Variants in RPS6KC1 observed in about 807,000 individuals in gnomAD.
The protein encoded by RPS6KC1 is inactive ribosomal protein S6 kinase delta-1.
A neutral mutation model predicts 103.8 loss-of-function variants in RPS6KC1; 54 were observed. The observed-to-expected ratio is 0.52, with a 90% CI of 0.42 to 0.65. The LOEUF (loss-of-function observed/expected upper bound fraction) is 0.65. Ranked by LOEUF, RPS6KC1 falls within the 30% of genes least tolerant of loss-of-function variation. The probability of loss-of-function intolerance (pLI) is 0.00; values close to 1 mark genes in which losing one functional copy is unlikely to be tolerated. For synonymous variants in RPS6KC1, 439 were observed against 438.7 expected, an observed-to-expected ratio of 1.00 and a Z score of -0.01; for missense variants, 1,151 against 1,253.8, an observed-to-expected ratio of 0.92 and a Z score of 1.24.
the RPS6KC1 span, among the ~76,000 whole-genome samples, chr1:213,479,346 T>C: frequency 6.6e-6 from 1 of 152,022 alleles, no homozygotes; most frequent in Admixed American, 6.5e-5. Context: ...ACACAAGTGG[T>C]GTGTGAAATT....
chr1:213,732,034 G>T, the RPS6KC1 span, among the ~76,000 whole-genome samples: 5,353 of 152,108 alleles, frequency 0.035, 147 homozygotes, highest in Middle Eastern at 0.083. Flanking sequence ...AATACTGGTT[G>T]TCTTATGGGG....
chr1:213,666,169 A>G, the RPS6KC1 span, among the ~76,000 whole-genome samples: 3 of 152,206 alleles, frequency 2.0e-5, no homozygotes, highest in African/African-American at 7.2e-5. Context: ...AGGATAAACA[A>G]TATGGTCCAG....
At chr1:213,646,921 A>G in the RPS6KC1 span, among the ~76,000 whole-genome samples, 1 of 151,164 alleles carries the variant, frequency 6.6e-6, no homozygotes, top group Admixed American at 6.6e-5. Context: ...GTTTTTAGAC[A>G]GAATCTTGCT....
intron 8 of RPS6KC1, among the ~76,000 whole-genome samples, chr1:213,215,347 G>A (rs909962328): frequency 1.1e-4 from 17 of 152,114 alleles, no homozygotes; most frequent in Admixed American, 7.2e-4. Context: ...AAAAAGAAAC[G>A]AACAAAGCCT....
the RPS6KC1 span, among the ~76,000 whole-genome samples, chr1:213,644,104 A>G: frequency 6.6e-6 from 1 of 151,920 alleles, no homozygotes; most frequent in East Asian, 1.9e-4. Context: ...TTGATGTGGG[A>G]TTTTCCCTCA....
chr1:213,734,382 T>C, the RPS6KC1 span, among the ~76,000 whole-genome samples: 11 of 152,366 alleles, frequency 7.2e-5, no homozygotes, highest in South Asian at 2.1e-4. Context: ...TAATGGGGTA[T>C]ATAGAATAAT....
At chr1:213,439,835 T>G in the RPS6KC1 span, among the ~76,000 whole-genome samples, 2 of 147,960 alleles carry the variant, frequency 1.4e-5, no homozygotes, top group Admixed American at 6.8e-5. Context: ...GAGGCAGAGA[T>G]GGAGCAAGAG....
chr1:213,816,376 GCT>G, the RPS6KC1 span, among the ~76,000 whole-genome samples: 46 of 152,290 alleles, frequency 3.0e-4, no homozygotes, highest in African/African-American at 1.0e-3. Flanking sequence ...AATTATCCCT[GCT>G]CTTCAGGGGC....
At chr1:213,114,867 A>T (rs1333571830) in intron 4 of RPS6KC1, among the ~76,000 whole-genome samples, 2 of 152,110 alleles carry the variant, frequency 1.3e-5, no homozygotes, top group African/African-American at 4.8e-5. Context: ...ATTGATTTGC[A>T]TATATTGAAC....
chr1:213,415,664 C>T, the RPS6KC1 span, among the ~76,000 whole-genome samples: 2 of 152,216 alleles, frequency 1.3e-5, no homozygotes, highest in African/African-American at 4.8e-5. Flanking sequence ...TCCCCAGTCC[C>T]TTCCTGCGGG....
At chr1:213,537,499 G>C in the RPS6KC1 span, among the ~76,000 whole-genome samples, 2 of 152,180 alleles carry the variant, frequency 1.3e-5, no homozygotes, top group Non-Finnish European at 2.9e-5. Flanking sequence ...TAACACTCAT[G>C]TCACAGGTGT....
the RPS6KC1 span, among the ~76,000 whole-genome samples, chr1:213,771,508 A>G: frequency 6.6e-6 from 1 of 152,232 alleles, no homozygotes; most frequent in Non-Finnish European, 1.5e-5. Context: ...GGCTCCAAAC[A>G]ACACCTCCGG....
At chr1:213,826,213 A>G in the RPS6KC1 span, among the ~76,000 whole-genome samples, 3 of 152,324 alleles carry the variant, frequency 2.0e-5, no homozygotes, top group African/African-American at 7.2e-5. Context: ...ATCATAATAG[A>G]ATTTTTTTAA....
the RPS6KC1 span, among the ~76,000 whole-genome samples, chr1:213,405,681 C>T: frequency 6.6e-6 from 1 of 152,234 alleles, no homozygotes; most frequent in Non-Finnish European, 1.5e-5. Flanking sequence ...CAATCTGGTT[C>T]TCTCGGATGA....
At chr1:213,274,938 G>T (rs1045308354), downstream of RPS6KC1, among the ~76,000 whole-genome samples, 1 of 152,044 alleles carries the variant, frequency 6.6e-6, no homozygotes, top group Non-Finnish European at 1.5e-5. Context: ...TGGAAACTCT[G>T]TACCCACTAA....
At chr1:213,314,875 C>A in the RPS6KC1 span, among the ~76,000 whole-genome samples, 1 of 151,988 alleles carries the variant, frequency 6.6e-6, no homozygotes, top group Admixed American at 6.6e-5. Context: ...CCAATTCAGT[C>A]GAGAGGTGGA....
chr1:213,498,803 G>A, the RPS6KC1 span, among the ~76,000 whole-genome samples: 35,798 of 135,782 alleles, frequency 0.26, 5,014 homozygotes, highest in Middle Eastern at 0.4. Flanking sequence ...TTTTTGAGAT[G>A]GAGTCTTGCT....
At chr1:213,561,621 G>A in the RPS6KC1 span, among the ~76,000 whole-genome samples, 82 of 152,318 alleles carry the variant, frequency 5.4e-4, no homozygotes, top group African/African-American at 1.9e-3. Flanking sequence ...TGTGCACAAT[G>A]TGCTACTCTC....
intron 3 of RPS6KC1, among the ~76,000 whole-genome samples, chr1:213,087,268 T>C (rs2080481979): frequency 6.6e-6 from 1 of 152,252 alleles, no homozygotes. Flanking sequence ...TCTATTCTTA[T>C]ATAAATACCT....
Sources: allele counts gnomAD v4.1 joint callset (sites outside exome capture counted in the v4.1 genomes callset), GRCh38; gene constraint gnomAD v4.1.1; transcripts MANE v1.5; gene names NCBI Gene and HGNC (gene_info 2026-07-23, HGNC 2026-07-21).